MRPS27: variants seen among roughly 807,000 people sequenced by gnomAD.
MRPS27 encodes small ribosomal subunit protein mS27.
Under a neutral mutation model 48.9 loss-of-function variants are expected in MRPS27, and 43 were observed. The observed-to-expected ratio is 0.88, with a 90% CI of 0.69 to 1.13. The LOEUF (loss-of-function observed/expected upper bound fraction) is 1.13. Among genes scored for constraint, MRPS27 ranks in the 50% most tolerant of loss-of-function variants. The pLI, the probability that MRPS27 is intolerant of heterozygous loss-of-function variation, is 0.00. For synonymous variants in MRPS27, 188 were observed against 171.9 expected (o/e 1.09, Z -0.73); for missense variants, 467 against 476.3 (o/e 0.98, Z 0.18).
chr5:72,317,709 A>T (rs1292862397), intron 1 of MRPS27, among the ~76,000 whole-genome samples: 1 of 143,378 alleles, frequency 7.0e-6, no homozygotes, highest in Non-Finnish European at 1.5e-5. Flanking sequence ...TTTTTTTGAG[A>T]TGGAGTATCT....
At chr5:72,271,032 G>A (rs570059970) in intron 4 of MRPS27, among the ~76,000 whole-genome samples, 50 of 151,104 alleles carry the variant, frequency 3.3e-4, no homozygotes, top group African/African-American at 1.1e-3. Flanking sequence ...AGCTAACATC[G>A]TTAATGGTGA....
intron 4 of MRPS27, among the ~76,000 whole-genome samples, chr5:72,243,700 G>T (rs892870365): frequency 1.3e-5 from 2 of 152,158 alleles, no homozygotes; most frequent in African/African-American, 4.8e-5. Flanking sequence ...AAGTCAACCA[G>T]ATTGGGCTTG....
chr5:72,312,184 A>T (rs1042348194), intron 2 of MRPS27, among the ~76,000 whole-genome samples: 1 of 152,178 alleles, frequency 6.6e-6, no homozygotes. Context: ...TTAAAAGATT[A>T]AAAAAATTTG....
rs896997181 is a variant in MRPS27, at chr5:72,304,292, T to A, written c.152-6590A>T. Among the ~76,000 whole-genome samples, 16 of 149,356 alleles carry A rather than the reference T, an allele frequency of 1.1e-4. No homozygotes were observed. The East Asian group carries it at 2.8e-3, about 26-fold the overall frequency. On this transcript the variant is annotated intron_variant, in intron 2 of 10. Coordinates refer to ENST00000261413, the MANE Select transcript of MRPS27 (RefSeq NM_015084.3). ...TAAAAATCAATCCAAAAATAAAAAA[T>A]AAAGAAAAAAAAGAAAGATGAAACC...
intron 4 of MRPS27, among the ~76,000 whole-genome samples, chr5:72,254,990 G>C (rs1748759407): frequency 6.7e-6 from 1 of 148,958 alleles, no homozygotes; most frequent in African/African-American, 2.5e-5. Context: ...ATATAGCAGA[G>C]CTTACCCTAC....
intron 4 of MRPS27, among the ~76,000 whole-genome samples, chr5:72,273,980 T>C (rs1749311739): frequency 6.6e-6 from 1 of 152,252 alleles, no homozygotes; most frequent in East Asian, 1.9e-4. Context: ...CAAAAATTCC[T>C]TATGATCTTA....
chr5:72,246,505 G>C (rs1561337590), intron 4 of MRPS27, among the ~76,000 whole-genome samples: 1 of 152,160 alleles, frequency 6.6e-6, no homozygotes, highest in African/African-American at 2.4e-5. Context: ...GAGTACATGG[G>C]TTCAAAGAAT....
chr5:72,263,065 G>A (rs149308411), intron 4 of MRPS27, among the ~76,000 whole-genome samples: 57 of 152,238 alleles, frequency 3.7e-4, no homozygotes, highest in Non-Finnish European at 7.1e-4. Context: ...AAGTTTTCTC[G>A]TTTGGTCACA....
intron 10 of MRPS27, among the ~76,000 whole-genome samples, chr5:72,223,213 A>G (rs1443121859): frequency 6.6e-6 from 1 of 152,252 alleles, no homozygotes; most frequent in Non-Finnish European, 1.5e-5. Context: ...GCACAAGAGA[A>G]CAATACAAAG....
chr5:72,309,702 A>G (rs1210171091), intron 2 of MRPS27, among the ~76,000 whole-genome samples: 2 of 152,196 alleles, frequency 1.3e-5, no homozygotes, highest in Non-Finnish European at 2.9e-5. Flanking sequence ...AATCTTCCCT[A>G]CATACCTAGG....
chr5:72,259,758 G>A (rs1748915811), intron 4 of MRPS27, among the ~76,000 whole-genome samples: 1 of 151,968 alleles, frequency 6.6e-6, no homozygotes, highest in Non-Finnish European at 1.5e-5. Context: ...TAATTTTCTT[G>A]ACTTATATAT....
intron 4 of MRPS27, among the ~76,000 whole-genome samples, chr5:72,286,047 CTT>C: frequency 6.6e-6 from 1 of 152,314 alleles, no homozygotes; most frequent in Admixed American, 6.5e-5. Flanking sequence ...AAAAGAATGA[CTT>C]TTGCAAAATC....
chr5:72,292,200 C>G (rs937499901), intron 4 of MRPS27, among the ~76,000 whole-genome samples: 7 of 143,676 alleles, frequency 4.9e-5, no homozygotes, highest in African/African-American at 7.9e-5. Context: ...ATGGGTATTA[C>G]CAGTTTTTTT....
At chr5:72,297,725 A>T (rs777632429) in intron 2 of MRPS27, 23 bp from the exon 3 acceptor site, 22 of 1,499,726 alleles carry the variant, frequency 1.5e-5, no homozygotes, top group Non-Finnish European at 1.6e-5. Flanking sequence ...AAAAAGAAAA[A>T]AAACCTTGTT....
rs2112061506 is a variant in MRPS27, at chr5:72,295,574, A to G, written c.238T>C (p.Ser80Pro). 7 of 1,610,300 alleles carry G rather than the reference A, an allele frequency of 4.3e-6. No homozygotes were observed. In the East Asian group the frequency reaches 1.1e-4, roughly 26 times the overall value. The part of the protein sequence containing the change: ...LTISRLIDNI[S>P]SREEIDHAEY... ...GCATGATCTATCTCTTCCCGAGAGG[A>G]AATGTTGTCTATAAGCTAAAAGACA... is the stretch of plus-strand genomic sequence containing the variant. Residue 80 changes from serine to proline, a missense_variant, in exon 4 of 11, where the codon TCC becomes CCC. By Grantham distance (74) the Ser-to-Pro change is moderately conservative. Coordinates refer to ENST00000261413, the MANE Select transcript of MRPS27 (RefSeq NM_015084.3).
At chr5:72,270,243 T>C (rs1749202835) in intron 4 of MRPS27, among the ~76,000 whole-genome samples, 1 of 147,258 alleles carries the variant, frequency 6.8e-6, no homozygotes, top group Non-Finnish European at 1.5e-5. Context: ...AATATTAAAA[T>C]GCCTACATAG....
At chr5:72,295,667 G>T (rs1749959016) in intron 3 of MRPS27, 78 bp from the exon 4 acceptor site, 2 of 1,093,450 alleles carry the variant, frequency 1.8e-6, no homozygotes, top group South Asian at 1.3e-5. Context: ...ATCACACATT[G>T]ACCTTAGAAA....
intron 4 of MRPS27, among the ~76,000 whole-genome samples, chr5:72,249,883 C>A (rs1394565872): frequency 1.3e-5 from 2 of 151,846 alleles, no homozygotes; most frequent in African/African-American, 4.8e-5. Flanking sequence ...ACTTGGGAGG[C>A]TGAGGCAGGA....
chr5:72,289,802 G>A (rs561605432), intron 4 of MRPS27, among the ~76,000 whole-genome samples: 1 of 152,170 alleles, frequency 6.6e-6, no homozygotes, highest in East Asian at 1.9e-4. Context: ...TGACTGTTAC[G>A]TTGCAGATCA....
Sources: gnomAD v4.1 joint callset for allele counts (sites outside exome capture counted in the v4.1 genomes callset) on GRCh38, gnomAD v4.1.1 for gene constraint, MANE v1.5 for transcripts, NCBI Gene and HGNC (gene_info 2026-07-23, HGNC 2026-07-21) for gene names.